Variants in SHISAL1 observed in about 807,000 individuals in gnomAD.
The protein encoded by SHISAL1 is protein shisa-like-1.
In SHISAL1, 9 loss-of-function variants were observed where a neutral mutation model predicts 22.6. The ratio of observed to expected loss-of-function variants is 0.40; its 90% CI spans 0.24 to 0.70. SHISAL1 has a LOEUF of 0.70. Among genes scored for constraint, SHISAL1 ranks in the 30% least tolerant of loss-of-function variants. The probability of loss-of-function intolerance (pLI) is 0.39; values close to 1 mark genes in which losing one functional copy is unlikely to be tolerated. For missense variants in SHISAL1, 246 were observed against 270.6 expected, an observed-to-expected ratio of 0.91 and a Z score of 0.64; for synonymous variants, 119 against 115.4, an observed-to-expected ratio of 1.03 and a Z score of -0.20.
chr22:44,318,415 T>A, the SHISAL1 span, among the ~76,000 whole-genome samples: 4 of 152,228 alleles, frequency 2.6e-5, no homozygotes, highest in Non-Finnish European at 4.4e-5. Flanking sequence ...GGGACTGGGA[T>A]GGCAAGTGCA....
Position 44,300,330 on chromosome 22 carries a change from C to T in SHISAL1, c.67+549G>A, listed in dbSNP as rs118087539. ...AGCAGGCCCTGGCTGGGGAGCAGGG[C>T]TGCCCTTGAACTTGGGCTCTCAGCT... On this transcript the variant is annotated intron_variant, in intron 2 of 4. Coordinates refer to ENST00000381176, the MANE Select transcript of SHISAL1 (RefSeq NM_001099294.2). 3.3e-5 allele frequency among the ~76,000 whole-genome samples: 5 copies of T among 152,310 alleles called. No individual in the cohort carries two copies. The East Asian group carries it at 7.7e-4, about 24-fold the overall frequency.
chr22:44,292,812 AG>A (rs1252357339), intron 3 of SHISAL1, among the ~76,000 whole-genome samples: 1 of 152,214 alleles, frequency 6.6e-6, no homozygotes, highest in East Asian at 1.9e-4. Context: ...AGCTGGGAAG[AG>A]GCTTCCATGG....
At chr22:44,264,404 A>G (rs531535153) in intron 4 of SHISAL1, among the ~76,000 whole-genome samples, 2 of 152,250 alleles carry the variant, frequency 1.3e-5, no homozygotes, top group African/African-American at 4.8e-5. Flanking sequence ...GGCATATGGG[A>G]GAGCTTTATG....
At chr22:44,291,543 C>T (rs1034977356) in intron 3 of SHISAL1, among the ~76,000 whole-genome samples, 1 of 152,040 alleles carries the variant, frequency 6.6e-6, no homozygotes, top group African/African-American at 2.4e-5. Context: ...TGTTCATTCA[C>T]TTCCTTCCCC....
chr22:44,301,703 C>T (rs910649951), intron 1 of SHISAL1, among the ~76,000 whole-genome samples: 1 of 152,150 alleles, frequency 6.6e-6, no homozygotes, highest in African/African-American at 2.4e-5. Context: ...GCCCGTCACA[C>T]AATGCACATT....
intron 4 of SHISAL1, among the ~76,000 whole-genome samples, chr22:44,262,911 C>A (rs117204867): frequency 1.2e-4 from 18 of 152,278 alleles, no homozygotes; most frequent in Non-Finnish European, 1.3e-4. Context: ...AATAACCCTT[C>A]CCGCAGACGA....
chr22:44,255,325 T>C (rs1352466989), intron 4 of SHISAL1, among the ~76,000 whole-genome samples: 3 of 152,230 alleles, frequency 2.0e-5, no homozygotes, highest in Non-Finnish European at 4.4e-5. Context: ...CAAATGGATA[T>C]TTAATAGATA....
intron 4 of SHISAL1, among the ~76,000 whole-genome samples, chr22:44,275,124 C>T (rs1039733327): frequency 5.3e-5 from 8 of 152,174 alleles, no homozygotes; most frequent in South Asian, 2.1e-4. Context: ...GTGGGTGTTG[C>T]GTTTTTACCT....
chr22:44,248,260 T>G lies in SHISAL1; in HGVS notation c.*1425A>C, dbSNP rs532483913. The G allele has an allele frequency of 6.8e-6, 1 of 146,598 alleles. No homozygotes were observed. Among genetic ancestry groups the G allele is most frequent in the African/African-American group, 2.8e-5 (1 of 36,196 alleles). The allele number at this position is 146,598 out of a possible 1,614,324, so 9.1% of individuals were successfully genotyped here. ...CTGGTGAATGGATGGGTGGTCAGTG[T>G]GAGAACACTAGGTCTGATGAAATGA... On this transcript the variant is annotated 3_prime_UTR_variant, in exon 5 of 5. Transcript: ENST00000381176.
Position 44,245,423 on chromosome 22 carries a change from T to G in SHISAL1, c.*4262A>C, listed in dbSNP as rs1216964398. On this transcript the variant is annotated 3_prime_UTR_variant, in exon 5 of 5. Coordinates refer to ENST00000381176, the MANE Select transcript of SHISAL1 (RefSeq NM_001099294.2). The stretch of plus-strand genomic sequence containing the variant: ...TCTGCCTTCTGGGTTCATGTTATGT[T>G]AATTTCAAACATGGGAGAAATCTGT... 1.3e-5 allele frequency: 2 copies of G among 152,428 alleles called. No homozygotes were observed. Among genetic ancestry groups the G allele is most frequent in the East Asian group, 3.9e-4 (2 of 5,184 alleles). The allele number at this position is 152,428 out of a possible 1,614,324, so 9.4% of individuals were successfully genotyped here.
At chr22:44,289,163 G>A (rs913545270) in intron 3 of SHISAL1, among the ~76,000 whole-genome samples, 1 of 152,214 alleles carries the variant, frequency 6.6e-6, no homozygotes, top group Non-Finnish European at 1.5e-5. Context: ...GGCACCATGA[G>A]GGAGGAGCTA....
chr22:44,274,910 G>A (rs1320860517), intron 4 of SHISAL1, among the ~76,000 whole-genome samples: 6 of 152,100 alleles, frequency 3.9e-5, no homozygotes, highest in African/African-American at 1.2e-4. Flanking sequence ...CCTAACAATC[G>A]TCCCACAACC....
intron 4 of SHISAL1, among the ~76,000 whole-genome samples, chr22:44,276,192 G>T (rs1022429023): frequency 2.2e-4 from 33 of 152,274 alleles, no homozygotes; most frequent in Non-Finnish European, 1.2e-4. Flanking sequence ...GCCAGGGAAG[G>T]CCCCTCTGAT....
intron 4 of SHISAL1, among the ~76,000 whole-genome samples, chr22:44,284,240 A>G (rs1440214986): frequency 6.6e-6 from 1 of 151,596 alleles, no homozygotes; most frequent in Non-Finnish European, 1.5e-5. Flanking sequence ...GCCTCCAAAG[A>G]GGAGGCAGCA....
the SHISAL1 span, among the ~76,000 whole-genome samples, chr22:44,326,316 G>A: frequency 2.0e-5 from 3 of 152,140 alleles, no homozygotes; most frequent in East Asian, 1.9e-4. Flanking sequence ...AGGCGACAAC[G>A]AGGAGCTTCG....
chr22:44,286,827 G>A (rs559189407), intron 3 of SHISAL1, among the ~76,000 whole-genome samples: 10 of 152,342 alleles, frequency 6.6e-5, no homozygotes, highest in East Asian at 1.9e-4. Flanking sequence ...CTAACAGTGC[G>A]TGCCAGGGGC....
intron 1 of SHISAL1, among the ~76,000 whole-genome samples, chr22:44,308,225 T>G (rs2055492928): frequency 1.3e-5 from 2 of 152,230 alleles, no homozygotes; most frequent in Admixed American, 6.5e-5. Context: ...ATGGAAGCCT[T>G]GGACAGGCCT....
intron 3 of SHISAL1, among the ~76,000 whole-genome samples, chr22:44,291,805 C>T (rs577714465): frequency 1.2e-4 from 18 of 151,864 alleles, no homozygotes; most frequent in East Asian, 9.8e-4. Flanking sequence ...ATCCCCTGCA[C>T]GCCCTGGCCC....
the SHISAL1 span, among the ~76,000 whole-genome samples, chr22:44,322,592 C>G: frequency 0.2 from 29,782 of 152,150 alleles, 3,036 homozygotes; most frequent in East Asian, 0.31. Flanking sequence ...AGCCAGTCCT[C>G]TCCCCACATT....
Sources: allele counts gnomAD v4.1 joint callset (sites outside exome capture counted in the v4.1 genomes callset), GRCh38; gene constraint gnomAD v4.1.1; transcripts MANE v1.5; gene names NCBI Gene and HGNC (gene_info 2026-07-23, HGNC 2026-07-21).